COBLL1: variants seen among roughly 807,000 people sequenced by gnomAD.
The protein encoded by COBLL1 is cordon-bleu protein-like 1.
In COBLL1, 50 loss-of-function variants were observed where a neutral mutation model predicts 94.8. The ratio of observed to expected loss-of-function variants is 0.53; its 90% CI spans 0.42 to 0.67. The LOEUF is 0.67. Among genes scored for constraint, COBLL1 ranks in the 30% least tolerant of loss-of-function variants. The probability of loss-of-function intolerance (pLI) is 0.00; values close to 1 mark genes in which losing one functional copy is unlikely to be tolerated. For missense variants in COBLL1, 1,362 were observed against 1,348.7 expected (o/e 1.01, Z -0.15); for synonymous variants, 448 against 473.8 (o/e 0.95, Z 0.71).
At chr2:164,826,718 T>C (rs1685444033) in intron 2 of COBLL1, among the ~76,000 whole-genome samples, 1 of 152,178 alleles carries the variant, frequency 6.6e-6, no homozygotes, top group Non-Finnish European at 1.5e-5. Flanking sequence ...CAGTTTTATT[T>C]GAAACCAAAA....
At chr2:164,806,497 T>C (rs1049727407) in intron 2 of COBLL1, among the ~76,000 whole-genome samples, 5 of 152,194 alleles carry the variant, frequency 3.3e-5, no homozygotes, top group Non-Finnish European at 7.4e-5. Context: ...GTACTCACTA[T>C]GTAAAATAAA....
intron 5 of COBLL1, among the ~76,000 whole-genome samples, chr2:164,725,528 C>T (rs1685684499): frequency 6.6e-6 from 1 of 152,150 alleles, no homozygotes; most frequent in African/African-American, 2.4e-5. Flanking sequence ...AGGTGATCCT[C>T]CCACCTCAGC....
intron 2 of COBLL1, among the ~76,000 whole-genome samples, chr2:164,822,734 A>ATATTATTATTAT (rs199529383): frequency 7.2e-5 from 10 of 139,478 alleles, no homozygotes; most frequent in South Asian, 2.4e-4. Flanking sequence ...AGATTATATT[A>ATATTATTATTAT]TATTATTATT....
At chr2:164,838,321 G>A (rs1683419291) in intron 2 of COBLL1, among the ~76,000 whole-genome samples, 1 of 152,066 alleles carries the variant, frequency 6.6e-6, no homozygotes, top group South Asian at 2.1e-4. Flanking sequence ...ATGTTTCAAA[G>A]AAAAAGCAGC....
chr2:164,735,021 AGTG>A, intron 3 of COBLL1, among the ~76,000 whole-genome samples: 1 of 152,288 alleles, frequency 6.6e-6, no homozygotes, highest in East Asian at 1.9e-4. Flanking sequence ...TTCCACAGGA[AGTG>A]GAACAGGGGT....
intron 2 of COBLL1, among the ~76,000 whole-genome samples, chr2:164,796,705 C>CA (rs34412964): frequency 0.017 from 1,495 of 86,428 alleles, 56 homozygotes; most frequent in African/African-American, 0.044. Flanking sequence ...GCTGGCCTTC[C>CA]AAAAAAAAAA....
At position 164,682,020 on chromosome 2, in the gene COBLL1, C is replaced by T. The variant is rs1023449303; in HGVS notation, c.*3926G>A. 21 of 152,148 alleles carry T rather than the reference C, an allele frequency of 1.4e-4. No individual in the cohort carries two copies. Among genetic ancestry groups the T allele is most frequent in the African/African-American group, 5.1e-4 (21 of 41,436 alleles). 9.4% of individuals were successfully genotyped at this position (152,148 alleles called of 1,614,324 possible). ...CTGAAGATTCAGAACAAATAACTTC[C>T]TATTCTGGTATCCCTTGAAATCTAG... is the stretch of plus-strand genomic sequence containing the variant. On this transcript the variant is annotated 3_prime_UTR_variant, in exon 14 of 14. Transcript: ENST00000652658.
In COBLL1 at chr2:164,685,140, T is replaced by C. The variant is rs980222469; in HGVS notation, c.*806A>G. On this transcript the variant is annotated 3_prime_UTR_variant, in exon 14 of 14. Coordinates refer to ENST00000652658, the MANE Select transcript of COBLL1 (RefSeq NM_001365672.2). ...ACATAAACTAACCCCTATTCCTCTCTACATATCAAATGTGAAATAACTGTC... is the reference window on the plus strand; with the variant it reads ...ACATAAACTAACCCCTATTCCTCTCCACATATCAAATGTGAAATAACTGTC... 1 of 152,176 alleles carries C rather than the reference T, an allele frequency of 6.6e-6. No homozygotes were observed. Among genetic ancestry groups the C allele is most frequent in the Non-Finnish European group, 1.5e-5 (1 of 68,020 alleles). 9.4% of individuals were successfully genotyped at this position (152,176 alleles called of 1,614,324 possible).
chr2:164,696,345 G>A (rs1220592810), intron 11 of COBLL1: 1 of 152,014 alleles, frequency 6.6e-6, no homozygotes, highest in Non-Finnish European at 1.5e-5. Context: ...AACATTAAAA[G>A]GAAAAGAATC....
intron 2 of COBLL1, among the ~76,000 whole-genome samples, chr2:164,796,067 A>G (rs1389065219): frequency 6.6e-6 from 1 of 152,210 alleles, no homozygotes. Context: ...TATGTTGCCT[A>G]GATCTTGCTT....
At chr2:164,814,085 T>C (rs867153946) in intron 2 of COBLL1, among the ~76,000 whole-genome samples, 3 of 152,088 alleles carry the variant, frequency 2.0e-5, no homozygotes, top group Admixed American at 1.3e-4. Context: ...TAAAAATCCT[T>C]CACACAGTAT....
chr2:164,807,579 T>C (rs1362869458), intron 2 of COBLL1, among the ~76,000 whole-genome samples: 1 of 152,192 alleles, frequency 6.6e-6, no homozygotes, highest in Non-Finnish European at 1.5e-5. Context: ...TTCTTATTCA[T>C]GTTCTCATTT....
At chr2:164,686,309 G>C (rs541730662) in intron 13 of COBLL1, among the ~76,000 whole-genome samples, 1 of 152,042 alleles carries the variant, frequency 6.6e-6, no homozygotes, top group East Asian at 1.9e-4. Flanking sequence ...AGCACAAACA[G>C]ACTGCAAACC....
chr2:164,748,802 C>A (rs1408635342), intron 2 of COBLL1, among the ~76,000 whole-genome samples: 1 of 152,066 alleles, frequency 6.6e-6, no homozygotes, highest in Admixed American at 6.5e-5. Flanking sequence ...GGCAAAAATT[C>A]ATTATTCAAG....
At chr2:164,791,479 TAGACAGAC>T (rs74268229) in intron 2 of COBLL1, among the ~76,000 whole-genome samples, 105 of 151,710 alleles carry the variant, frequency 6.9e-4, no homozygotes, top group African/African-American at 2.4e-3. Context: ...ATCAGATAGA[TAGACAGAC>T]AGACAGACAG....
chr2:164,757,197 A>G (rs1354973463), intron 2 of COBLL1, among the ~76,000 whole-genome samples: 4 of 152,200 alleles, frequency 2.6e-5, no homozygotes, highest in African/African-American at 9.7e-5. Context: ...AGTTAGACTT[A>G]ATGATATACC....
intron 2 of COBLL1, among the ~76,000 whole-genome samples, chr2:164,814,643 C>A (rs942942290): frequency 6.6e-6 from 1 of 152,038 alleles, no homozygotes; most frequent in Non-Finnish European, 1.5e-5. Flanking sequence ...TTTCTGAGGA[C>A]ACAGTATCTC....
At chr2:164,765,584 G>A (rs999890022) in intron 2 of COBLL1, among the ~76,000 whole-genome samples, 11 of 152,248 alleles carry the variant, frequency 7.2e-5, no homozygotes, top group African/African-American at 2.6e-4. Context: ...GGGAAAAAGT[G>A]GAGAAAGCTA....
chr2:164,797,620 T>C (rs1683532945), intron 2 of COBLL1, among the ~76,000 whole-genome samples: 1 of 152,334 alleles, frequency 6.6e-6, no homozygotes, highest in African/African-American at 2.4e-5. Flanking sequence ...TGCTTCCAGA[T>C]ACCCATCCTT....
Sources: allele counts gnomAD v4.1 joint callset (sites outside exome capture counted in the v4.1 genomes callset), GRCh38; gene constraint gnomAD v4.1.1; transcripts MANE v1.5; gene names NCBI Gene and HGNC (gene_info 2026-07-23, HGNC 2026-07-21).